Variants in JUP observed in about 807,000 individuals in gnomAD.
JUP encodes the protein catenin (cadherin-associated protein), gamma 80kDa.
Under a neutral mutation model 71.1 loss-of-function variants are expected in JUP, and 28 were observed. The ratio of observed to expected loss-of-function variants is 0.39; its 90% CI spans 0.29 to 0.54. JUP has a LOEUF of 0.54. JUP is among the 20% of genes least tolerant of loss of function. The probability of loss-of-function intolerance (pLI) is 0.62; values close to 1 mark genes in which losing one functional copy is unlikely to be tolerated. For synonymous variants in JUP, 401 were observed against 438.9 expected, an observed-to-expected ratio of 0.91 and a Z score of 1.08; for missense variants, 869 against 1,030.1, an observed-to-expected ratio of 0.84 and a Z score of 2.14.
chr17:41,772,666 G>T (rs1318376129), intron 1 of JUP, among the ~76,000 whole-genome samples: 1 of 152,098 alleles, frequency 6.6e-6, no homozygotes, highest in Non-Finnish European at 1.5e-5. Context: ...CAGAGGCCAC[G>T]GCCATTATCA....
rs782285849 is a variant in JUP at position 41,765,031 on chromosome 17, C to T, written c.946G>A (p.Val316Met). 23 of 1,614,024 alleles carry T rather than the reference C, an allele frequency of 1.4e-5. No individual in the cohort carries two copies. Among genetic ancestry groups the T allele is most frequent in the East Asian group, 2.2e-5 (1 of 44,874 alleles). Residue 316 changes from valine (V) to methionine (M), a missense_variant, in exon 6 of 14, where the codon GTG becomes ATG. Val to Met is a conservative substitution (Grantham distance 21, BLOSUM62 1). Transcript: ENST00000393931. The part of the protein sequence containing the change: ...ILANGGPQAL[V>M]QIMRNYSYEK... Reference sequence around the variant, plus strand: ...TAACTGTAGTTACGCATGATCTGCACGAGGGCCTGGGGCCCACCATTGGCC... The same window carrying T: ...TAACTGTAGTTACGCATGATCTGCATGAGGGCCTGGGGCCCACCATTGGCC...
chr17:41,783,717 A>G (rs964007615), intron 1 of JUP, among the ~76,000 whole-genome samples: 19 of 151,804 alleles, frequency 1.3e-4, no homozygotes, highest in South Asian at 4.2e-4. Flanking sequence ...TCAGGAGATC[A>G]AGACCAGCCT....
rs560914818 is a variant in JUP at position 41,769,307 on chromosome 17, G to A, written c.469-100C>T. 148 of 1,543,242 alleles carry A rather than the reference G, an allele frequency of 9.6e-5. 1 individual carries two copies. Among genetic ancestry groups the A allele is most frequent in the Middle Eastern group, 6.4e-4 (3 of 4,680 alleles). On this transcript the variant is annotated intron_variant, in intron 3 of 13. Transcript: ENST00000393931. ...GGCCCCAGTCAGACTCATCACACAC[G>A]GGAGAGTCTGGGTCATAACCTCCCT...
At chr17:41,771,579 C>T (rs898320253) in intron 2 of JUP, 68 bp downstream of exon 2, 1 of 1,452,448 alleles carries the variant, frequency 6.9e-7, no homozygotes, top group Non-Finnish European at 9.6e-7. Flanking sequence ...TGCCTCCTTT[C>T]ACTCTGACCT....
At chr17:41,761,050 C>A (rs1555600979) in intron 8 of JUP, among the ~76,000 whole-genome samples, 2 of 152,190 alleles carry the variant, frequency 1.3e-5, no homozygotes, top group African/African-American at 4.8e-5. Context: ...TCCCCCATAA[C>A]TCTGTCCCTT....
At chr17:41,785,292 C>G (rs920908316) in intron 1 of JUP, 4 of 152,076 alleles carry the variant, frequency 2.6e-5, no homozygotes, top group South Asian at 4.2e-4. Context: ...CCACTCCCCC[C>G]ACCTTCCTCA....
chr17:41,764,604 G>A, intron 7 of JUP, 109 bp downstream of exon 7: 1 of 794,942 alleles, frequency 1.3e-6, no homozygotes, highest in Non-Finnish European at 2.2e-6. Flanking sequence ...ACAAGGAAGA[G>A]AGATTTAGAG....
At position 41,767,418 on chromosome 17, in the gene JUP, G is replaced by A. The variant is rs1915903703; in HGVS notation, c.870C>T (p.Asp290=). 1 of 1,614,102 alleles carries A rather than the reference G, an allele frequency of 6.2e-7. No homozygotes were observed. The highest frequency in any genetic ancestry group is 1.3e-5 in the African/African-American group (1 of 74,936). The change falls in exon 5 of 14, where the codon GAC becomes GAT. Residue 290 remains aspartate (D), a synonymous_variant. Coordinates refer to ENST00000393931, the MANE Select transcript of JUP (RefSeq NM_002230.4). ...TGCCGTAGGCCAGGAGCTGCAGGCA[G>A]TCGGTGGTGATGGCCAGGAACTTGG... ...NNPKFLAITT[D]CLQLLAYGNQ...
Position 41,763,279 on chromosome 17 carries a change from T to C in JUP, c.1201A>G (p.Ser401Gly). ...GTGAGGACGTTGACGTCATCCACAC[T>C]CAGCTGATTCACCAGAATCTTCAGC... is the stretch of plus-strand genomic sequence containing the variant. The part of the protein sequence containing the change: ...SVLKILVNQL[S>G]VDDVNVLTCA... The change falls in exon 8 of 14, where the codon AGT becomes GGT. Residue 401 changes from serine (S) to glycine (G), a missense_variant. Physicochemically the swap from Ser to Gly is moderately conservative, Grantham distance 56. Transcript: ENST00000393931. The C allele has an allele frequency of 6.2e-7, 1 of 1,614,096 alleles. No homozygotes were observed.
At chr17:41,769,714 TG>T in intron 2 of JUP, 37 bp from the exon 3 acceptor site, 1 of 1,598,010 alleles carries the variant, frequency 6.3e-7, no homozygotes. Flanking sequence ...GTGCAGGCAG[TG>T]GGCTGGGCAG....
In JUP at chr17:41,764,534, G is replaced by GGAAAAA. The variant is rs60346985; in HGVS notation, c.1158+178_1158+179insTTTTTC. Among the ~76,000 whole-genome samples, 228 of 83,764 alleles carry GGAAAAA rather than the reference G, an allele frequency of 2.7e-3. 51 individuals carry two copies. Among genetic ancestry groups the GGAAAAA allele is most frequent in the Admixed American group, 3.3e-3 (21 of 6,440 alleles). 55.0% of individuals were successfully genotyped at this position (83,764 alleles called of 152,430 possible). A position where few individuals can be genotyped will look rare whatever the true frequency, so the allele number is the denominator to read the frequency against. ...TAGGTGACAGAGTGAGACTCCGTCA[G>GGAAAAA]AAAAAAAAAAAAAAAAAAAAAAAGA... On this transcript the variant is annotated intron_variant, in intron 7 of 13. Coordinates refer to ENST00000393931, the MANE Select transcript of JUP (RefSeq NM_002230.4).
chr17:41,762,176 A>AGAGTGTGTGTGTGT (rs1914988239), intron 8 of JUP, among the ~76,000 whole-genome samples: 1 of 44,802 alleles, frequency 2.2e-5, no homozygotes. Context: ...AGAGAGAGAG[A>AGAGTGTGTGTGTGT]GTGTGTGTGT....
At chr17:41,756,235 A>G in intron 12 of JUP, 21 bp from the exon 13 acceptor site, 9 of 1,612,340 alleles carry the variant, frequency 5.6e-6, no homozygotes, top group Non-Finnish European at 7.6e-6. Context: ...AGAGAGAAAC[A>G]TGGAGGGGAG....
chr17:41,760,165 A>AAAT (rs1457009018), intron 8 of JUP, among the ~76,000 whole-genome samples: 3 of 151,570 alleles, frequency 2.0e-5, no homozygotes, highest in Admixed American at 6.6e-5. Flanking sequence ...TCTGTCTCAA[A>AAAT]AATAATAATA....
intron 2 of JUP, chr17:41,771,396 C>T: frequency 5.2e-6 from 3 of 577,524 alleles, no homozygotes; most frequent in Non-Finnish European, 9.3e-6. Context: ...ACTGGAGGCA[C>T]CCTAAGGGCA....
chr17:41,758,023 C>A, intron 10 of JUP: 1 of 566,770 alleles, frequency 1.8e-6, no homozygotes, highest in Non-Finnish European at 3.1e-6. Context: ...AATGAGCTCA[C>A]TGATGTGAAA....
At chr17:41,783,506 C>G (rs1555610856) in intron 1 of JUP, among the ~76,000 whole-genome samples, 1 of 151,758 alleles carries the variant, frequency 6.6e-6, no homozygotes, top group Admixed American at 6.6e-5. Context: ...CCAGGCTGGT[C>G]TGGAACTCCT....
chr17:41,762,909 A>T (rs1567809230), intron 8 of JUP, 74 bp downstream of exon 8: 1 of 1,283,402 alleles, frequency 7.8e-7, no homozygotes, highest in African/African-American at 1.5e-5. Flanking sequence ...TCTTTGCTAC[A>T]GCGGCTTTGC....
intron 4 of JUP, among the ~76,000 whole-genome samples, chr17:41,768,228 AT>A (rs1429222928): frequency 3.9e-5 from 6 of 152,078 alleles, no homozygotes; most frequent in Admixed American, 2.6e-4. Flanking sequence ...GTGAAACCCC[AT>A]TTTTACTAAA....
Sources: allele counts gnomAD v4.1 joint callset (sites outside exome capture counted in the v4.1 genomes callset), GRCh38; gene constraint gnomAD v4.1.1; transcripts MANE v1.5; gene names NCBI Gene and HGNC (gene_info 2026-07-23, HGNC 2026-07-21).